SLC5A10: variants seen among roughly 807,000 people sequenced by gnomAD.
SLC5A10 encodes sodium/mannose cotransporter SLC5A10.
Under a neutral mutation model 68.9 loss-of-function variants are expected in SLC5A10, and 55 were observed. That is an observed-to-expected ratio of 0.80 (90% CI 0.64 to 1.00). The LOEUF (loss-of-function observed/expected upper bound fraction) is 1.00, where lower values mean the gene tolerates loss of function less well. SLC5A10 is among the 50% of genes least tolerant of loss of function. The pLI is 0.00. For synonymous variants in SLC5A10, 344 were observed against 344.8 expected, an observed-to-expected ratio of 1.00 and a Z score of 0.02; for missense variants, 732 against 819.3, an observed-to-expected ratio of 0.89 and a Z score of 1.30.
chr17:18,975,290 C>T (rs750228931), intron 8 of SLC5A10, among the ~76,000 whole-genome samples: 12 of 152,270 alleles, frequency 7.9e-5, no homozygotes, highest in Admixed American at 2.0e-4. Context: ...GGCTGCAGCC[C>T]GCAGGCATTC....
At position 19,003,385 on chromosome 17, in the gene SLC5A10, AG is replaced by A; in HGVS notation, c.983-10023del. 1 of 963,106 alleles carries A rather than the reference AG, an allele frequency of 1.0e-6. No homozygotes were observed. 59.7% of individuals were successfully genotyped at this position (963,106 alleles called of 1,614,324 possible). On this transcript the variant is annotated intron_variant, in intron 9 of 14. Coordinates refer to ENST00000395645, the MANE Select transcript of SLC5A10 (RefSeq NM_001042450.4). This position sits in a 1 kb window ranked among gnomAD's most constrained non-coding sequence, Gnocchi z 4.5. ...GGTGGGGAGGAAACCTCCACCCAAGAGGCAGCCAGGGAAAACAGCAGAGATC... is the reference window on the plus strand; with the variant it reads ...GGTGGGGAGGAAACCTCCACCCAAGAGCAGCCAGGGAAAACAGCAGAGATC...
At chr17:18,994,394 G>C (rs2043509665) in intron 9 of SLC5A10, among the ~76,000 whole-genome samples, 1 of 152,188 alleles carries the variant, frequency 6.6e-6, no homozygotes, top group African/African-American at 2.4e-5. Context: ...TTCACTCTGA[G>C]TGTAGCAGCT....
chr17:19,013,370 G>A (rs774979363), intron 9 of SLC5A10, 40 bp from the exon 10 acceptor site: 1 of 1,602,638 alleles, frequency 6.2e-7, no homozygotes, highest in Non-Finnish European at 8.5e-7. Flanking sequence ...AGGTGCTCAT[G>A]TCTATGAGGA....
chr17:19,002,144 C>T (rs1215295548), intron 9 of SLC5A10, among the ~76,000 whole-genome samples: 1 of 152,236 alleles, frequency 6.6e-6, no homozygotes, highest in Non-Finnish European at 1.5e-5. Context: ...CCTCTAACTC[C>T]TTCCTTACTT....
At chr17:18,986,684 T>C (rs553543732) in intron 9 of SLC5A10, among the ~76,000 whole-genome samples, 1 of 152,362 alleles carries the variant, frequency 6.6e-6, no homozygotes, top group East Asian at 1.9e-4. Flanking sequence ...CTGGAGTGGC[T>C]GGCCCCAGGT....
At position 18,971,333 on chromosome 17, in the gene SLC5A10, G is replaced by A. The variant is rs750318469; in HGVS notation, c.846+115G>A. 1 of 1,606,872 alleles carries A rather than the reference G, an allele frequency of 6.2e-7. No homozygotes were observed. Among genetic ancestry groups the A allele is most frequent in the East Asian group, 2.2e-5 (1 of 44,704 alleles). ...TGAGTCTGGGCTGGGGCCTCAGAAG[G>A]TGTGGCTCCAGGCTGGGACATGCTG... On this transcript the variant is annotated intron_variant, in intron 8 of 14. Coordinates refer to ENST00000395645, the MANE Select transcript of SLC5A10 (RefSeq NM_001042450.4). This position sits in a 1 kb window ranked among gnomAD's most constrained non-coding sequence, Gnocchi z 5.5.
rs1186623013 is a variant in SLC5A10, at chr17:19,003,440, T to G, written c.983-9970T>G. ...AGAAGCCCATGTTGGGCTCCCGTTT[T>G]GGGCTCTGAGTGAGCCTGTATTGAG... On this transcript the variant is annotated intron_variant, in intron 9 of 14. Coordinates refer to ENST00000395645, the MANE Select transcript of SLC5A10 (RefSeq NM_001042450.4). The surrounding 1 kb of genome is among the most constrained non-coding windows in gnomAD (Gnocchi z 4.5). 2.8e-6 allele frequency: 4 copies of G among 1,412,230 alleles called. No homozygotes were observed. Among genetic ancestry groups the G allele is most frequent in the African/African-American group, 3.0e-5 (2 of 67,778 alleles). 87.5% of individuals were successfully genotyped at this position (1,412,230 alleles called of 1,614,324 possible). A position where few individuals can be genotyped will look rare whatever the true frequency, so the allele number is the denominator to read the frequency against.
At chr17:18,994,308 C>A (rs1327814866) in intron 9 of SLC5A10, among the ~76,000 whole-genome samples, 2 of 152,202 alleles carry the variant, frequency 1.3e-5, no homozygotes, top group Non-Finnish European at 1.5e-5. Context: ...AGGATCACCC[C>A]ACTATTTCCA....
chr17:19,002,209 C>T (rs2043748170), intron 9 of SLC5A10, among the ~76,000 whole-genome samples: 1 of 152,248 alleles, frequency 6.6e-6, no homozygotes, highest in African/African-American at 2.4e-5. Context: ...TTTATCCACA[C>T]CACCTCCATC....
At chr17:18,966,231 A>G (rs1486081171) in intron 5 of SLC5A10, among the ~76,000 whole-genome samples, 1 of 152,068 alleles carries the variant, frequency 6.6e-6, no homozygotes, top group Admixed American at 6.5e-5. Context: ...GCAGGCAGGC[A>G]CCTCTGGACA....
chr17:19,017,345 A>G lies in SLC5A10; in HGVS notation c.1242-2078A>G, dbSNP rs552486485. ...CCGTCTCAGCTTCCTCCTGCCCGAA[A>G]CACCACCATTGGAGCGGTATCTCCT... On this transcript the variant is annotated intron_variant, in intron 11 of 14. Coordinates refer to ENST00000395645, the MANE Select transcript of SLC5A10 (RefSeq NM_001042450.4). The surrounding 1 kb of genome is among the most constrained non-coding windows in gnomAD (Gnocchi z 5.6). The G allele has an allele frequency of 6.4e-7, 1 of 1,551,884 alleles. No homozygotes were observed. Among genetic ancestry groups the G allele is most frequent in the Admixed American group, 2.0e-5 (1 of 50,992 alleles).
At position 19,021,246 on chromosome 17, in the gene SLC5A10, G is replaced by T. The variant is rs1397872864; in HGVS notation, c.*815G>T. ...ACAAACAAGAGCCAGGGCAGCCAGGGTCTCTGCGTGGCTGGGCCCAGGGCT... is the reference window on the plus strand; with the variant it reads ...ACAAACAAGAGCCAGGGCAGCCAGGTTCTCTGCGTGGCTGGGCCCAGGGCT... On this transcript the variant is annotated 3_prime_UTR_variant, in exon 15 of 15. Transcript: ENST00000395645. The surrounding 1 kb of genome is among the most constrained non-coding windows in gnomAD (Gnocchi z 4.1). 6.6e-6 allele frequency: 1 copy of T among 152,350 alleles called. No individual in the cohort carries two copies. The highest frequency in any genetic ancestry group is 1.5e-5 in the Non-Finnish European group (1 of 68,132). The allele number at this position is 152,350 out of a possible 1,614,324, so 9.4% of individuals were successfully genotyped here. A position where few individuals can be genotyped will look rare whatever the true frequency, so the allele number is the denominator to read the frequency against.
chr17:18,956,022 C>G (rs575244727), intron 1 of SLC5A10, among the ~76,000 whole-genome samples: 2 of 152,016 alleles, frequency 1.3e-5, no homozygotes, highest in Non-Finnish European at 2.9e-5. Flanking sequence ...TGGAGGAACC[C>G]CATCTCTACT....
chr17:18,959,039 G>A (rs549400455), intron 2 of SLC5A10, 96 bp from the exon 3 acceptor site: 6 of 1,239,408 alleles, frequency 4.8e-6, no homozygotes, highest in African/African-American at 3.0e-5. Context: ...CTAGGACCCC[G>A]CTTAGGTTTG....
chr17:18,959,213 CT>C lies in SLC5A10; in HGVS notation c.263del (p.Leu88ArgfsTer105). ...GLAGSGAAGG[L>X]AVAGFEWNAT... The stretch of plus-strand genomic sequence containing the variant: ...GGCGGGCTCAGGCGCGGCAGGAGGT[CT>C]GGCCGTGGCAGGCTTCGAGTGGAAT... On this transcript the variant is annotated frameshift_variant, in exon 3 of 15. Coordinates refer to ENST00000395645, the MANE Select transcript of SLC5A10 (RefSeq NM_001042450.4). LOFTEE classifies it high-confidence loss of function. 12 of 1,613,274 alleles carry C rather than the reference CT, an allele frequency of 7.4e-6. No homozygotes were observed. The highest frequency in any genetic ancestry group is 1.0e-5 in the Non-Finnish European group (12 of 1,179,990).
At position 19,013,665 on chromosome 17, in the gene SLC5A10, G is replaced by GCTCC; in HGVS notation, c.1090+148_1090+149insCTCC. ...GCTTGGAGCCTGGGTGTCCTCATTT[G>GCTCC]TAAATTGGAGATAATGGCATCTACC... On this transcript the variant is annotated intron_variant, in intron 10 of 14. Coordinates refer to ENST00000395645, the MANE Select transcript of SLC5A10 (RefSeq NM_001042450.4). The GCTCC allele has an allele frequency of 1.1e-4, 8 of 70,452 alleles. 4 individuals are homozygous for GCTCC. Among genetic ancestry groups the GCTCC allele is most frequent in the Non-Finnish European group, 1.9e-4 (6 of 32,146 alleles). 4.4% of individuals were successfully genotyped at this position (70,452 alleles called of 1,614,324 possible).
At chr17:18,977,983 G>T in intron 9 of SLC5A10, 1 of 1,578,756 alleles carries the variant, frequency 6.3e-7, no homozygotes, top group Non-Finnish European at 8.6e-7. Context: ...GGTCATCCTG[G>T]GTCACAGATA....
At chr17:18,995,457 A>G (rs752466883) in intron 9 of SLC5A10, among the ~76,000 whole-genome samples, 17 of 152,392 alleles carry the variant, frequency 1.1e-4, no homozygotes, top group South Asian at 4.1e-4. Flanking sequence ...CTGAAAGAAC[A>G]TGAACACAGC....
chr17:18,952,935 C>T (rs2042402489), intron 1 of SLC5A10, among the ~76,000 whole-genome samples: 1 of 152,032 alleles, frequency 6.6e-6, no homozygotes, highest in African/African-American at 2.4e-5. Flanking sequence ...GAGGCTCTGG[C>T]CCTGCAGCAA....
Sources: gnomAD v4.1 joint callset for allele counts (sites outside exome capture counted in the v4.1 genomes callset) on GRCh38, gnomAD v4.1.1 for gene constraint, Gnocchi (gnomAD v3.1) non-coding constraint, MANE v1.5 for transcripts, NCBI Gene and HGNC (gene_info 2026-07-23, HGNC 2026-07-21) for gene names.